Variants in DCHS2 observed in about 807,000 individuals in gnomAD.
The protein encoded by DCHS2 is dachsous cadherin-related 2.
Under a neutral mutation model 182.4 loss-of-function variants are expected in DCHS2, and 142 were observed. That is an observed-to-expected ratio of 0.78 (90% confidence interval 0.68 to 0.89). The LOEUF (loss-of-function observed/expected upper bound fraction) is 0.89, where lower values mean the gene tolerates loss of function less well. DCHS2 is among the 40% of genes least tolerant of loss of function. DCHS2 has a pLI of 0.00. For missense variants in DCHS2, 4,319 were observed against 4,198.6 expected (o/e 1.03, Z -0.79); for synonymous variants, 1,740 against 1,663.3 (o/e 1.05, Z -1.12).
intron 13 of DCHS2, among the ~76,000 whole-genome samples, chr4:154,296,212 A>T (rs1320247559): frequency 6.6e-6 from 1 of 152,186 alleles, no homozygotes; most frequent in Non-Finnish European, 1.5e-5. Context: ...TTTCTAGGAG[A>T]TTCATTTAAA....
At chr4:154,250,170 T>C (rs1732283426) in intron 16 of DCHS2, among the ~76,000 whole-genome samples, 1 of 152,292 alleles carries the variant, frequency 6.6e-6, no homozygotes, top group Admixed American at 6.5e-5. Context: ...CAATACCTCA[T>C]GGATACTGAG....
Position 154,236,562 on chromosome 4 carries a change from T to C in DCHS2, c.8090A>G (p.His2697Arg). ...GATGATGTTGTAGATGATTTCTGCA[T>C]GTGACCCTGTGTCACGGTCATTTGC... ...VSANDRDTGS[H>R]AEIIYNIISG... is the part of the protein sequence containing the mutation. The change falls in exon 20 of 20, where the codon CAT becomes CGT. Residue 2697 changes from histidine to arginine, a missense_variant. Transcript: ENST00000357232. The C allele has an allele frequency of 1.9e-6, 3 of 1,614,076 alleles. No homozygotes were observed. The highest frequency in any genetic ancestry group is 1.7e-6 in the Non-Finnish European group (2 of 1,179,988).
At chr4:154,296,184 C>G (rs1181651002) in intron 13 of DCHS2, among the ~76,000 whole-genome samples, 1 of 152,052 alleles carries the variant, frequency 6.6e-6, no homozygotes, top group African/African-American at 2.4e-5. Flanking sequence ...GAAATGAAAC[C>G]GAAGAAATAA....
intron 8 of DCHS2, among the ~76,000 whole-genome samples, chr4:154,321,811 T>A (rs1365590300): frequency 6.6e-6 from 1 of 152,184 alleles, no homozygotes; most frequent in Non-Finnish European, 1.5e-5. Flanking sequence ...CTATGCACAG[T>A]CATCTTTCTT....
intron 1 of DCHS2, among the ~76,000 whole-genome samples, chr4:154,413,457 C>T (rs547915356): frequency 6.6e-6 from 1 of 152,314 alleles, no homozygotes; most frequent in East Asian, 1.9e-4. Flanking sequence ...CATTTTAGAT[C>T]ATCAAGAAAT....
intron 13 of DCHS2, among the ~76,000 whole-genome samples, chr4:154,274,120 G>C (rs4696542): frequency 0.48 from 73,304 of 152,034 alleles, 19,057 homozygotes; most frequent in Non-Finnish European, 0.58. Context: ...AAATGTCTCA[G>C]ACAGTCACTG....
intron 9 of DCHS2, among the ~76,000 whole-genome samples, chr4:154,319,982 C>CAT (rs1324594374): frequency 1.5e-5 from 2 of 137,070 alleles, no homozygotes; most frequent in Non-Finnish European, 3.3e-5. Context: ...GTGGTATGTG[C>CAT]ATACCATTGA....
intron 1 of DCHS2, among the ~76,000 whole-genome samples, chr4:154,386,828 G>T (rs1430677645): frequency 6.6e-6 from 1 of 152,166 alleles, no homozygotes. Context: ...ATAAGAACAA[G>T]ATGGTTCGTG....
chr4:154,357,529 A>T (rs1335479150), intron 3 of DCHS2, among the ~76,000 whole-genome samples: 1 of 152,222 alleles, frequency 6.6e-6, no homozygotes, highest in Non-Finnish European at 1.5e-5. Context: ...TGGTGTTATC[A>T]GTACTGCACA....
At chr4:154,386,502 C>A (rs1167937670) in intron 1 of DCHS2, among the ~76,000 whole-genome samples, 2 of 151,656 alleles carry the variant, frequency 1.3e-5, no homozygotes, top group African/African-American at 4.9e-5. Flanking sequence ...TTTTTCTTAA[C>A]CCTGCTTTGC....
chr4:154,237,339 A>T (rs955244366), intron 19 of DCHS2, 180 bp from the exon 20 acceptor site: 1 of 836,128 alleles, frequency 1.2e-6, no homozygotes, highest in African/African-American at 1.7e-5. Context: ...TGTTTATAAC[A>T]TGTAAGATAC....
Position 154,320,762 on chromosome 4 carries a change from A to G in DCHS2, c.4637T>C (p.Ile1546Thr). The change falls in exon 9 of 20, where the codon ATA (isoleucine) becomes ACA (threonine). Residue 1546 changes from isoleucine to threonine, a missense_variant. Ile to Thr is a moderately conservative substitution (Grantham distance 89). Coordinates refer to ENST00000357232, the MANE Select transcript of DCHS2 (RefSeq NM_001358235.2). ...DDDGSFLNSR[I>T]QYYIESHNPG... ...GTTGTGGGATTCAATGTAGTATTGT[A>G]TTCTACTGTTCAAAAAACTGCCGTC... 1 of 1,614,094 alleles carries G rather than the reference A, an allele frequency of 6.2e-7. No homozygotes were observed. Among genetic ancestry groups the G allele is most frequent in the Non-Finnish European group, 8.5e-7 (1 of 1,179,994 alleles).
intron 12 of DCHS2, among the ~76,000 whole-genome samples, chr4:154,301,630 C>T (rs569529868): frequency 4.6e-5 from 7 of 152,240 alleles, no homozygotes; most frequent in African/African-American, 1.7e-4. Context: ...CTCAGCCTCC[C>T]GAGTAGCTGG....
At chr4:154,452,764 T>G (rs1164286575) in intron 1 of DCHS2, among the ~76,000 whole-genome samples, 3 of 152,224 alleles carry the variant, frequency 2.0e-5, no homozygotes, top group African/African-American at 7.2e-5. Context: ...TCTACATAAG[T>G]GTTCCAGGAA....
In DCHS2 at chr4:154,320,718, G is replaced by A. The variant is rs374924775; in HGVS notation, c.4681C>T (p.Leu1561Phe). 2.5e-6 allele frequency: 4 copies of A among 1,613,968 alleles called. No homozygotes were observed. Among genetic ancestry groups the A allele is most frequent in the Non-Finnish European group, 3.4e-6 (4 of 1,180,014 alleles). Reference sequence around the variant, plus strand: ...AGTGTGCCAAATGAGGGGTGGATGAGAAATGGATTCGTGCCAGGGTTGTGG... The same window carrying A: ...AGTGTGCCAAATGAGGGGTGGATGAAAAATGGATTCGTGCCAGGGTTGTGG... ...ESHNPGTNPFLIHPSFGTLVT... is the reference protein window; with the variant it reads ...ESHNPGTNPFFIHPSFGTLVT... Residue 1561 changes from leucine to phenylalanine, a missense_variant, in exon 9 of 20, where the codon CTC becomes TTC. By Grantham distance (22) the Leu-to-Phe change is conservative (BLOSUM62 0). Coordinates refer to ENST00000357232, the MANE Select transcript of DCHS2 (RefSeq NM_001358235.2).
Position 154,455,103 on chromosome 4 carries a change from A to G in DCHS2, c.2052+34201T>C, listed in dbSNP as rs73854778. Among the ~76,000 whole-genome samples, 972 of 152,372 alleles carry G rather than the reference A, an allele frequency of 6.4e-3. 20 individuals carry two copies. In the South Asian group the frequency reaches 0.069, roughly 11 times the overall value. ...TGTAAATATGTCAGAAGTCCAGTGTAGTAAACACTCCTTCACAAGTCTTTA... is the reference window on the plus strand; with the variant it reads ...TGTAAATATGTCAGAAGTCCAGTGTGGTAAACACTCCTTCACAAGTCTTTA... On this transcript the variant is annotated intron_variant, in intron 1 of 19. Transcript: ENST00000357232.
At chr4:154,397,380 C>T (rs1013248526) in intron 1 of DCHS2, among the ~76,000 whole-genome samples, 2 of 152,100 alleles carry the variant, frequency 1.3e-5, no homozygotes, top group East Asian at 1.9e-4. Flanking sequence ...TAGTCTAGGT[C>T]TAGAATACCT....
intron 19 of DCHS2, 106 bp from the exon 20 acceptor site, chr4:154,237,265 G>T (rs1351181465): frequency 7.2e-7 from 1 of 1,383,872 alleles, no homozygotes; most frequent in Admixed American, 2.9e-5. Context: ...TTAATTCTTT[G>T]TTAGATCTGT....
At chr4:154,379,128 T>C (rs967983377) in intron 1 of DCHS2, among the ~76,000 whole-genome samples, 1 of 151,936 alleles carries the variant, frequency 6.6e-6, no homozygotes, top group Non-Finnish European at 1.5e-5. Context: ...AACTTCCCAC[T>C]AATGGACATC....
Sources: gnomAD v4.1 joint callset for allele counts (sites outside exome capture counted in the v4.1 genomes callset) on GRCh38, gnomAD v4.1.1 for gene constraint, MANE v1.5 for transcripts, NCBI Gene and HGNC (gene_info 2026-07-23, HGNC 2026-07-21) for gene names.